The following FRMD4A variants were observed in gnomAD, a reference collection of about 807,000 sequenced individuals.
FRMD4A encodes the protein FERM domain-containing protein 4A.
A neutral mutation model predicts 129.1 loss-of-function variants in FRMD4A; 29 were observed. That is an observed-to-expected ratio of 0.22 (90% CI 0.17 to 0.31). The LOEUF (loss-of-function observed/expected upper bound fraction) is 0.31, where lower values mean the gene tolerates loss of function less well. Among genes scored for constraint, FRMD4A ranks in the 10% least tolerant of loss-of-function variants. The pLI is 1.00. For synonymous variants in FRMD4A, 634 were observed against 571.6 expected, an observed-to-expected ratio of 1.11 and a Z score of -1.56; for missense variants, 1,272 against 1,375.8, an observed-to-expected ratio of 0.92 and a Z score of 1.19.
At chr10:13,808,906 A>G (rs2093401240) in intron 4 of FRMD4A, among the ~76,000 whole-genome samples, 1 of 152,192 alleles carries the variant, frequency 6.6e-6, no homozygotes, top group South Asian at 2.1e-4. Flanking sequence ...TGCCCCCCAC[A>G]GAGCCTCCAC....
chr10:14,056,670 G>A (rs944470542), intron 2 of FRMD4A, among the ~76,000 whole-genome samples: 4 of 152,158 alleles, frequency 2.6e-5, no homozygotes, highest in Admixed American at 1.3e-4. Flanking sequence ...GGTGTTGCTT[G>A]TTTGCTACTG....
intron 2 of FRMD4A, among the ~76,000 whole-genome samples, chr10:14,035,429 C>CAAA (rs11289297): frequency 4.7e-5 from 6 of 127,032 alleles, no homozygotes; most frequent in Non-Finnish European, 9.7e-5. Context: ...AACAAATAAA[C>CAAA]AAAAAAAAAA....
chr10:13,704,470 G>A (rs1214221183), intron 13 of FRMD4A, among the ~76,000 whole-genome samples: 1 of 151,930 alleles, frequency 6.6e-6, no homozygotes, highest in African/African-American at 2.4e-5. Context: ...TAATTGAGAA[G>A]CCCCCACCTG....
chr10:13,805,796 C>CT (rs1399474699), intron 4 of FRMD4A, among the ~76,000 whole-genome samples: 1 of 152,030 alleles, frequency 6.6e-6, no homozygotes, highest in Non-Finnish European at 1.5e-5. Flanking sequence ...TCAAGTGATC[C>CT]TCCTGCCTCA....
chr10:13,739,208 C>A (rs904525517), intron 11 of FRMD4A, among the ~76,000 whole-genome samples: 2 of 152,274 alleles, frequency 1.3e-5, no homozygotes, highest in South Asian at 4.1e-4. Context: ...TTTGAAATTT[C>A]TTTTCAAGCT....
chr10:14,314,786 A>G (rs955196762), intron 2 of FRMD4A, among the ~76,000 whole-genome samples: 1 of 151,932 alleles, frequency 6.6e-6, no homozygotes, highest in African/African-American at 2.4e-5. Context: ...CTACCATCCA[A>G]TGTCTTTCCT....
At chr10:13,747,701 G>T in intron 9 of FRMD4A, 35 bp downstream of exon 9, 1 of 1,135,388 alleles carries the variant, frequency 8.8e-7, no homozygotes, top group African/African-American at 1.5e-5. Context: ...ACCCCGAGAG[G>T]GACTCGCTCC....
At chr10:14,278,382 G>C (rs887037649) in intron 2 of FRMD4A, among the ~76,000 whole-genome samples, 2 of 152,110 alleles carry the variant, frequency 1.3e-5, no homozygotes, top group Admixed American at 1.3e-4. Context: ...AGAGGCTCAG[G>C]CTCCGGCTGT....
intron 16 of FRMD4A, among the ~76,000 whole-genome samples, chr10:13,672,205 G>A (rs1459595881): frequency 6.6e-6 from 1 of 152,092 alleles, no homozygotes; most frequent in Non-Finnish European, 1.5e-5. Context: ...ATGACCCCGT[G>A]GACTTTATAT....
At chr10:13,951,956 T>A (rs2095374684) in intron 2 of FRMD4A, among the ~76,000 whole-genome samples, 1 of 146,920 alleles carries the variant, frequency 6.8e-6, no homozygotes, top group South Asian at 2.1e-4. Flanking sequence ...TACAGAGAAG[T>A]GGTTGGGGCA....
At chr10:14,272,857 T>C (rs1845210095) in intron 2 of FRMD4A, among the ~76,000 whole-genome samples, 1 of 152,306 alleles carries the variant, frequency 6.6e-6, no homozygotes, top group Non-Finnish European at 1.5e-5. Context: ...TTTGAACCAA[T>C]TTGATTTATG....
At chr10:13,864,442 G>T (rs1206366915) in intron 2 of FRMD4A, among the ~76,000 whole-genome samples, 2 of 151,082 alleles carry the variant, frequency 1.3e-5, no homozygotes, top group Non-Finnish European at 2.9e-5. Context: ...TGCATGTATT[G>T]CTTCCTATCA....
intron 24 of FRMD4A, among the ~76,000 whole-genome samples, chr10:13,650,074 G>A (rs118171757): frequency 1.1e-4 from 16 of 152,336 alleles, no homozygotes; most frequent in South Asian, 4.1e-4. Context: ...TGTGTGGCCT[G>A]CAAAGGGTAC....
At chr10:14,082,771 A>G (rs540707384) in intron 2 of FRMD4A, among the ~76,000 whole-genome samples, 19 of 152,310 alleles carry the variant, frequency 1.2e-4, no homozygotes, top group Middle Eastern at 6.8e-3. Flanking sequence ...ACCCATGACC[A>G]TGATAGGTTG....
chr10:13,952,423 C>T (rs937693609), intron 2 of FRMD4A, among the ~76,000 whole-genome samples: 13 of 152,090 alleles, frequency 8.5e-5, no homozygotes, highest in Middle Eastern at 3.4e-3. Context: ...ATCACTTGAG[C>T]CCAGGAGTTG....
intron 5 of FRMD4A, among the ~76,000 whole-genome samples, chr10:13,788,391 G>T (rs188292053): frequency 1.2e-3 from 185 of 152,268 alleles, no homozygotes; most frequent in African/African-American, 4.1e-3. Context: ...CCTCCCCAAA[G>T]AAACCACAAA....
intron 6 of FRMD4A, among the ~76,000 whole-genome samples, chr10:13,776,840 C>A (rs1038607382): frequency 3.8e-4 from 58 of 152,316 alleles, no homozygotes; most frequent in African/African-American, 1.4e-3. Flanking sequence ...ACACTACCCT[C>A]TGGGCTCTTC....
intron 2 of FRMD4A, among the ~76,000 whole-genome samples, chr10:14,282,963 G>A (rs1845569925): frequency 6.6e-6 from 1 of 152,166 alleles, no homozygotes; most frequent in South Asian, 2.1e-4. Context: ...GGTTTCCTAG[G>A]ATTTGCCATA....
At chr10:13,701,189 C>T in intron 14 of FRMD4A, 151 bp downstream of exon 14, 1 of 672,862 alleles carries the variant, frequency 1.5e-6, no homozygotes. Context: ...TCTCATCCCT[C>T]CCATCTGTAG....
Sources: gnomAD v4.1 joint callset for allele counts (sites outside exome capture counted in the v4.1 genomes callset) on GRCh38, gnomAD v4.1.1 for gene constraint, MANE v1.5 for transcripts, NCBI Gene and HGNC (gene_info 2026-07-23, HGNC 2026-07-21) for gene names.